Variants in FER1L6 observed in about 807,000 individuals in gnomAD.
FER1L6 encodes the protein fer-1-like protein 6.
In FER1L6, 177 loss-of-function variants were observed where a neutral mutation model predicts 219.2. The observed-to-expected ratio is 0.81, with a 90% CI of 0.71 to 0.91. The LOEUF (loss-of-function observed/expected upper bound fraction) is 0.91. FER1L6 is among the 40% of genes least tolerant of loss of function. The pLI, the probability that FER1L6 is intolerant of heterozygous loss-of-function variation, is 0.00. For missense variants in FER1L6, 2,153 were observed against 2,259.9 expected (o/e 0.95, Z 0.96); for synonymous variants, 768 against 824.3 (o/e 0.93, Z 1.17).
intron 1 of FER1L6, among the ~76,000 whole-genome samples, chr8:123,948,088 A>G (rs1273898516): frequency 2.0e-5 from 3 of 152,218 alleles, no homozygotes; most frequent in Admixed American, 2.0e-4. Flanking sequence ...TGGTTTTTAA[A>G]TTTAATTAAC....
chr8:124,003,795 G>T (rs946307820), intron 13 of FER1L6, among the ~76,000 whole-genome samples: 1 of 151,950 alleles, frequency 6.6e-6, no homozygotes, highest in African/African-American at 2.4e-5. Flanking sequence ...TCTCAGCTAT[G>T]AGAACAAGGT....
chr8:123,936,907 G>GT (rs1172377038), intron 1 of FER1L6, among the ~76,000 whole-genome samples: 6 of 152,090 alleles, frequency 3.9e-5, no homozygotes, highest in African/African-American at 1.4e-4. Context: ...AACTGTTAAA[G>GT]AACATTTTTT....
At chr8:124,086,332 T>C (rs1821782894) in intron 33 of FER1L6, among the ~76,000 whole-genome samples, 1 of 152,186 alleles carries the variant, frequency 6.6e-6, no homozygotes, top group South Asian at 2.1e-4. Context: ...TTTTAATTTC[T>C]TGCTTTTTTA....
intron 3 of FER1L6, 133 bp from the exon 4 acceptor site, chr8:123,965,874 T>C: frequency 1.2e-6 from 1 of 814,762 alleles, no homozygotes; most frequent in Non-Finnish European, 1.9e-6. Context: ...CTTATACTTA[T>C]CTCCCCCAGA....
In FER1L6 at chr8:124,047,183, T is replaced by G. The variant is rs150775550; in HGVS notation, c.2724+1282T>G. On this transcript the variant is annotated intron_variant, in intron 21 of 40. Transcript: ENST00000522917. ...AGGAAAAATCAGGTGACAGCAAACA[T>G]TCCAAAGATCTGCAGGGCAGGGTAC... Among the ~76,000 whole-genome samples the G allele has an allele frequency of 2.7e-3, 405 of 152,282 alleles. 1 individual carries two copies. Among genetic ancestry groups the G allele is most frequent in the African/African-American group, 9.0e-3 (373 of 41,554 alleles).
intron 1 of FER1L6, among the ~76,000 whole-genome samples, chr8:123,942,036 G>C (rs1814262641): frequency 6.6e-6 from 1 of 152,096 alleles, no homozygotes; most frequent in East Asian, 1.9e-4. Context: ...ATGCGCTAGG[G>C]AACCCACTCT....
At chr8:124,100,549 T>C (rs1822503581) in intron 37 of FER1L6, among the ~76,000 whole-genome samples, 2 of 152,120 alleles carry the variant, frequency 1.3e-5, no homozygotes, top group Non-Finnish European at 2.9e-5. Context: ...CCACCCTCCA[T>C]GCCACACCAA....
At chr8:123,948,682 G>A (rs558735024) in intron 1 of FER1L6, among the ~76,000 whole-genome samples, 14 of 152,066 alleles carry the variant, frequency 9.2e-5, no homozygotes, top group Non-Finnish European at 1.5e-4. Flanking sequence ...TAGGTATCCT[G>A]CTAAATTCAG....
chr8:124,065,647 C>T (rs555421475), intron 26 of FER1L6, among the ~76,000 whole-genome samples: 4 of 152,162 alleles, frequency 2.6e-5, no homozygotes, highest in Admixed American at 6.5e-5. Context: ...GTGTTCATCT[C>T]AGATTAATCA....
intron 22 of FER1L6, among the ~76,000 whole-genome samples, chr8:124,053,480 A>G (rs779483119): frequency 3.3e-5 from 5 of 152,202 alleles, no homozygotes; most frequent in Non-Finnish European, 7.3e-5. Flanking sequence ...CTGTCTTAGC[A>G]TGTGGATCTC....
intron 22 of FER1L6, among the ~76,000 whole-genome samples, chr8:124,054,759 G>A (rs1261690021): frequency 4.6e-5 from 7 of 152,204 alleles, no homozygotes; most frequent in Non-Finnish European, 1.0e-4. Context: ...ATGGACAAAT[G>A]ACAGGAAGCG....
intron 12 of FER1L6, among the ~76,000 whole-genome samples, chr8:123,994,758 C>A (rs967500918): frequency 6.6e-6 from 1 of 152,194 alleles, no homozygotes. Flanking sequence ...TTGTACCTCT[C>A]AGCTGGGGGC....
Position 124,076,198 on chromosome 8 carries a change from G to A in FER1L6, c.4093G>A (p.Ala1365Thr). The change falls in exon 32 of 41, where the codon GCA (alanine) becomes ACA (threonine). Residue 1365 changes from alanine to threonine, a missense_variant and splice_region_variant. By Grantham distance (58) the Ala-to-Thr change is moderately conservative. Coordinates refer to ENST00000522917, the MANE Select transcript of FER1L6 (RefSeq NM_001039112.2). The part of the protein sequence containing the change: ...TVLIRVYIVA[A>T]FNLSPADPDG... ...AAGACATTTTCTTTTTCCTTTCCAG[G>A]CATTTAATCTTAGTCCAGCTGATCC... The A allele has an allele frequency of 6.2e-7, 1 of 1,613,574 alleles. No individual in the cohort carries two copies. Among genetic ancestry groups the A allele is most frequent in the East Asian group, 2.2e-5 (1 of 44,874 alleles).
intron 1 of FER1L6, among the ~76,000 whole-genome samples, chr8:123,860,049 A>G (rs1387700790): frequency 2.1e-5 from 3 of 144,350 alleles, no homozygotes; most frequent in African/African-American, 2.7e-5. Flanking sequence ...TTACATATGT[A>G]TACATGTGCC....
intron 22 of FER1L6, among the ~76,000 whole-genome samples, chr8:124,055,219 G>A (rs976660841): frequency 2.6e-5 from 4 of 152,046 alleles, no homozygotes; most frequent in Admixed American, 6.6e-5. Flanking sequence ...CAGGAGGATC[G>A]TTTGAGTCCA....
chr8:123,869,305 G>T (rs943725191), intron 1 of FER1L6, among the ~76,000 whole-genome samples: 11 of 152,138 alleles, frequency 7.2e-5, no homozygotes, highest in Admixed American at 5.2e-4. Context: ...CCTCGTATAG[G>T]TGACTTCCAA....
At chr8:124,042,854 T>C (rs1460603437) in intron 20 of FER1L6, among the ~76,000 whole-genome samples, 2 of 152,204 alleles carry the variant, frequency 1.3e-5, no homozygotes, top group Non-Finnish European at 2.9e-5. Context: ...AATCCAGTCA[T>C]TCCCAACATC....
At chr8:123,868,187 T>C (rs1816869193) in intron 1 of FER1L6, among the ~76,000 whole-genome samples, 2 of 152,152 alleles carry the variant, frequency 1.3e-5, no homozygotes, top group Non-Finnish European at 2.9e-5. Context: ...GTAGGTGACT[T>C]CATCAGAGTT....
chr8:123,911,900 T>C (rs1362502710), intron 1 of FER1L6, among the ~76,000 whole-genome samples: 1 of 152,166 alleles, frequency 6.6e-6, no homozygotes, highest in Non-Finnish European at 1.5e-5. Context: ...AAATTTACCC[T>C]TCCTGGGGGG....
Sources: gnomAD v4.1 joint callset for allele counts (sites outside exome capture counted in the v4.1 genomes callset) on GRCh38, gnomAD v4.1.1 for gene constraint, MANE v1.5 for transcripts, NCBI Gene and HGNC (gene_info 2026-07-23, HGNC 2026-07-21) for gene names.